GRIA4: variants seen among roughly 807,000 people sequenced by gnomAD.
GRIA4 encodes glutamate ionotropic receptor AMPA type subunit 4.
A neutral mutation model predicts 104.0 loss-of-function variants in GRIA4; 34 were observed. The observed-to-expected ratio is 0.33, with a 90% CI of 0.25 to 0.44. The LOEUF is 0.44. Ranked by LOEUF, GRIA4 falls within the 20% of genes least tolerant of loss-of-function variation. The pLI is 1.00. For missense variants in GRIA4, 750 were observed against 1,096.5 expected (o/e 0.68, Z 4.46); for synonymous variants, 386 against 381.9 (o/e 1.01, Z -0.13).
chr11:105,626,236 A>C (rs1458210854), intron 3 of GRIA4, among the ~76,000 whole-genome samples: 2 of 152,048 alleles, frequency 1.3e-5, no homozygotes, highest in Non-Finnish European at 2.9e-5. Flanking sequence ...ATTTCAGTGC[A>C]ACTACATTGG....
In GRIA4 at chr11:105,901,503, T is replaced by G. The variant is rs189110812; in HGVS notation, c.886-2311T>G. 4.0e-3 allele frequency among the ~76,000 whole-genome samples: 604 copies of G among 152,340 alleles called. 5 individuals carry two copies. Among genetic ancestry groups the G allele is most frequent in the African/African-American group, 0.013 (558 of 41,582 alleles). On this transcript the variant is annotated intron_variant, in intron 7 of 16. Transcript: ENST00000282499. ...AAAAATGAAATGATTAGTAAGAATATTCTAGGTGCCACCTAGAACTTGTCA... is the reference window on the plus strand; with the variant it reads ...AAAAATGAAATGATTAGTAAGAATAGTCTAGGTGCCACCTAGAACTTGTCA...
rs562080186 is a variant in GRIA4 at position 105,699,724 on chromosome 11, C to G, written c.248-53257C>G. 2.9e-3 allele frequency among the ~76,000 whole-genome samples: 448 copies of G among 152,124 alleles called. 4 individuals are homozygous for G. The highest frequency in any genetic ancestry group is 5.0e-3 in the Non-Finnish European group (342 of 67,994). ...TTATCCCATGGACACGCACGGGGCT[C>G]TGTCCCTCAGCCCTTCACTCAGTTT... On this transcript the variant is annotated intron_variant, in intron 3 of 16. Transcript: ENST00000282499.
intron 5 of GRIA4, among the ~76,000 whole-genome samples, chr11:105,866,535 ATGTGTG>A (rs71041632): frequency 9.5e-6 from 1 of 105,328 alleles, no homozygotes; most frequent in African/African-American, 3.7e-5. Flanking sequence ...ATATACGCAT[ATGTGTG>A]TGTGTGTGTG....
chr11:105,805,264 T>A (rs1212798365), intron 4 of GRIA4, among the ~76,000 whole-genome samples: 1 of 151,624 alleles, frequency 6.6e-6, no homozygotes, highest in African/African-American at 2.4e-5. Context: ...AGCTAATTAA[T>A]GTGACTCATC....
At chr11:105,968,253 A>T (rs1858496174) in intron 14 of GRIA4, among the ~76,000 whole-genome samples, 1 of 152,230 alleles carries the variant, frequency 6.6e-6, no homozygotes, top group South Asian at 2.1e-4. Context: ...GAGCTGACTC[A>T]CTTGTCATTC....
chr11:105,859,983 G>A (rs1229590055), intron 4 of GRIA4, among the ~76,000 whole-genome samples: 1 of 152,010 alleles, frequency 6.6e-6, no homozygotes, highest in African/African-American at 2.4e-5. Context: ...GTGTCGAATG[G>A]GAAACAAGAG....
At chr11:105,974,536 C>G in intron 16 of GRIA4, 92 bp downstream of exon 16, 1 of 1,613,528 alleles carries the variant, frequency 6.2e-7, no homozygotes, top group Non-Finnish European at 8.5e-7. Flanking sequence ...GTATATGGAA[C>G]CGAAAGTATT....
At chr11:105,753,354 T>C in intron 4 of GRIA4, 134 bp downstream of exon 4, 2 of 800,256 alleles carry the variant, frequency 2.5e-6, no homozygotes, top group Non-Finnish European at 4.0e-6. Flanking sequence ...ATGTGTATTT[T>C]TATCTTGACT....
chr11:105,762,119 C>T (rs911841141), intron 4 of GRIA4, among the ~76,000 whole-genome samples: 1 of 151,856 alleles, frequency 6.6e-6, no homozygotes, highest in African/African-American at 2.4e-5. Context: ...TGTCTCCCAG[C>T]TTTAAGCGAT....
intron 8 of GRIA4, among the ~76,000 whole-genome samples, chr11:105,904,936 G>A (rs891161457): frequency 2.0e-5 from 3 of 152,022 alleles, no homozygotes; most frequent in Non-Finnish European, 4.4e-5. Flanking sequence ...AGGATTCTTC[G>A]ACTAAAAATG....
chr11:105,770,579 A>T (rs1941163436), intron 4 of GRIA4, among the ~76,000 whole-genome samples: 1 of 151,930 alleles, frequency 6.6e-6, no homozygotes, highest in African/African-American at 2.4e-5. Flanking sequence ...AAATCATCCA[A>T]TTTCCTCCTA....
intron 3 of GRIA4, among the ~76,000 whole-genome samples, chr11:105,661,385 T>C (rs1031165972): frequency 6.6e-6 from 1 of 151,624 alleles, no homozygotes. Flanking sequence ...TGCTCTAGAT[T>C]GATACTGAAG....
chr11:105,888,913 TAG>T (rs1405862249), intron 6 of GRIA4, among the ~76,000 whole-genome samples: 1 of 152,186 alleles, frequency 6.6e-6, no homozygotes, highest in Non-Finnish European at 1.5e-5. Flanking sequence ...GCTGTTTTAG[TAG>T]AGTGTTTCAC....
At chr11:105,936,642 T>C (rs973415927) in intron 14 of GRIA4, among the ~76,000 whole-genome samples, 2 of 152,222 alleles carry the variant, frequency 1.3e-5, no homozygotes, top group African/African-American at 4.8e-5. Flanking sequence ...TCTTGCTGTA[T>C]GTTTAAAGTG....
chr11:105,704,047 T>C lies in GRIA4; in HGVS notation c.248-48934T>C, dbSNP rs557332847. ...CATTATTCCTCTATGTCTATAAATA[T>C]ACTGAATGCTTATTCAATACAAATT... is the stretch of plus-strand genomic sequence containing the variant. On this transcript the variant is annotated intron_variant, in intron 3 of 16. Transcript: ENST00000282499. Among the ~76,000 whole-genome samples the C allele has an allele frequency of 7.2e-5, 11 of 152,192 alleles. No homozygotes were observed. The South Asian group carries it at 1.9e-3, about 26-fold the overall frequency.
At chr11:105,729,076 GA>G (rs745464334) in intron 3 of GRIA4, among the ~76,000 whole-genome samples, 1 of 151,974 alleles carries the variant, frequency 6.6e-6, no homozygotes, top group Non-Finnish European at 1.5e-5. Context: ...CTAGTTTTTT[GA>G]AAAGACTAAC....
intron 4 of GRIA4, among the ~76,000 whole-genome samples, chr11:105,846,438 G>T (rs919858259): frequency 6.6e-6 from 1 of 152,004 alleles, no homozygotes. Flanking sequence ...AATATACAAT[G>T]AATGCATGTA....
intron 3 of GRIA4, among the ~76,000 whole-genome samples, chr11:105,695,677 TTTTTTCTTTATATAGTTATATTTA>T (rs1953252589): frequency 6.6e-6 from 1 of 152,180 alleles, no homozygotes; most frequent in Admixed American, 6.5e-5. Context: ...CTTGAAGTCC[TTTTTTCTTTATATAGTTATATTTA>T]TTTTTGTTTG....
At chr11:105,927,843 C>T (rs1252682748) in intron 13 of GRIA4, among the ~76,000 whole-genome samples, 2 of 151,866 alleles carry the variant, frequency 1.3e-5, no homozygotes, top group Non-Finnish European at 2.9e-5. Flanking sequence ...TTATGAATAT[C>T]GAACTAGGTA....
Sources: gnomAD v4.1 joint callset for allele counts (sites outside exome capture counted in the v4.1 genomes callset) on GRCh38, gnomAD v4.1.1 for gene constraint, MANE v1.5 for transcripts, NCBI Gene and HGNC (gene_info 2026-07-23, HGNC 2026-07-21) for gene names.